Variants in JAZF1 observed in about 807,000 individuals in gnomAD.
JAZF1 encodes the protein juxtaposed with another zinc finger protein 1.
A neutral mutation model predicts 26.4 loss-of-function variants in JAZF1; 8 were observed. That is an observed-to-expected ratio of 0.30 (90% CI 0.18 to 0.55). JAZF1 has a LOEUF of 0.55. Ranked by LOEUF, JAZF1 falls within the 20% of genes least tolerant of loss-of-function variation. JAZF1 has a pLI of 0.94. For missense variants in JAZF1, 199 were observed against 322.0 expected (o/e 0.62, Z 2.92); for synonymous variants, 126 against 122.3 (o/e 1.03, Z -0.20).
At chr7:28,053,147 T>C (rs1436796188) in intron 1 of JAZF1, among the ~76,000 whole-genome samples, 3 of 152,224 alleles carry the variant, frequency 2.0e-5, no homozygotes, top group South Asian at 2.1e-4. Flanking sequence ...TAACATGTGA[T>C]AGGATTTCCT....
intron 2 of JAZF1, among the ~76,000 whole-genome samples, chr7:27,898,304 T>TATATATATATATATATATATATATACAC (rs375859244): frequency 2.2e-4 from 29 of 128,912 alleles, no homozygotes; most frequent in African/African-American, 5.6e-4. Flanking sequence ...TATATATATA[T>TATATATATATATATATATATATATACAC]ACATCGGTTT....
At chr7:28,085,645 T>G (rs561602166) in intron 1 of JAZF1, among the ~76,000 whole-genome samples, 26 of 152,344 alleles carry the variant, frequency 1.7e-4, no homozygotes, top group African/African-American at 6.3e-4. Context: ...TCATGTTAAC[T>G]ATTGCTTTGC....
chr7:28,018,217 TGGA>T (rs1383464596), intron 1 of JAZF1, among the ~76,000 whole-genome samples: 1 of 152,124 alleles, frequency 6.6e-6, no homozygotes, highest in African/African-American at 2.4e-5. Flanking sequence ...AAACAGCTCC[TGGA>T]GGAGGAGTCG....
chr7:28,050,799 T>C (rs1045143586), intron 1 of JAZF1, among the ~76,000 whole-genome samples: 10 of 152,170 alleles, frequency 6.6e-5, no homozygotes, highest in African/African-American at 2.4e-4. Flanking sequence ...ATGCTTTCTT[T>C]TGTTATTGAT....
chr7:28,007,094 C>G (rs1562557028), intron 1 of JAZF1, among the ~76,000 whole-genome samples: 1 of 152,130 alleles, frequency 6.6e-6, no homozygotes, highest in Non-Finnish European at 1.5e-5. Context: ...GTCAACAGCC[C>G]CATAACTTAG....
chr7:28,180,396 C>T (rs1426071435), intron 1 of JAZF1, 67 bp downstream of exon 1: 4 of 1,340,526 alleles, frequency 3.0e-6, no homozygotes, highest in Non-Finnish European at 4.2e-6. Flanking sequence ...CTGGCCATTC[C>T]GGGGCTCCCC....
chr7:28,123,623 C>T (rs1782639805), intron 1 of JAZF1, among the ~76,000 whole-genome samples: 1 of 152,198 alleles, frequency 6.6e-6, no homozygotes, highest in African/African-American at 2.4e-5. Flanking sequence ...CAAAGCCTGG[C>T]CCCTGCCAGC....
intron 1 of JAZF1, among the ~76,000 whole-genome samples, chr7:28,170,945 T>C (rs1010869304): frequency 6.6e-6 from 1 of 152,148 alleles, no homozygotes; most frequent in African/African-American, 2.4e-5. Context: ...TAACACTGCA[T>C]AATGCATATT....
At chr7:27,882,429 A>G (rs2128339747) in intron 3 of JAZF1, among the ~76,000 whole-genome samples, 1 of 152,344 alleles carries the variant, frequency 6.6e-6, no homozygotes, top group East Asian at 1.9e-4. Flanking sequence ...AATTAACACC[A>G]GTCCAATTTT....
Position 27,921,757 on chromosome 7 carries a change from C to A in JAZF1, c.189-26341G>T, listed in dbSNP as rs554387519. Among the ~76,000 whole-genome samples, 26 of 152,230 alleles carry A rather than the reference C, an allele frequency of 1.7e-4. No homozygotes were observed. In the South Asian group the frequency reaches 4.6e-3, roughly 27 times the overall value. ...CTTAAAAATGCAATTTCTGGCCAGG[C>A]ATGGTGGCTCAAGCCTGCAATCCCA... On this transcript the variant is annotated intron_variant, in intron 2 of 4. Transcript: ENST00000283928.
intron 2 of JAZF1, among the ~76,000 whole-genome samples, chr7:27,985,970 A>G (rs1289677104): frequency 6.6e-6 from 1 of 152,190 alleles, no homozygotes. Flanking sequence ...TCTCAAAATA[A>G]TAAGAGCTAT....
chr7:28,093,824 CT>C (rs1784340267), intron 1 of JAZF1, among the ~76,000 whole-genome samples: 1 of 152,198 alleles, frequency 6.6e-6, no homozygotes, highest in Non-Finnish European at 1.5e-5. Flanking sequence ...TAGCGCCCCC[CT>C]GTGGCAATGC....
In JAZF1 at chr7:28,013,460, C is replaced by T. The variant is rs929072432; in HGVS notation, c.116-21479G>A. On this transcript the variant is annotated intron_variant, in intron 1 of 4. Transcript: ENST00000283928. ...GGAGGCCTGTTACAGCTCAGGATAG[C>T]GGGGGTTGGGGGGGTAGGGCAGGCA... Among the ~76,000 whole-genome samples the T allele has an allele frequency of 3.8e-4, 58 of 151,134 alleles. 1 individual carries two copies. Among genetic ancestry groups the T allele is most frequent in the Admixed American group, 3.6e-3 (55 of 15,212 alleles).
At chr7:27,882,307 GTTTT>G (rs75022299) in intron 3 of JAZF1, among the ~76,000 whole-genome samples, 3 of 143,124 alleles carry the variant, frequency 2.1e-5, no homozygotes, top group Non-Finnish European at 4.6e-5. Context: ...TAATTGGCTT[GTTTT>G]TTTTTTTTAA....
chr7:28,077,423 G>A (rs552005855), intron 1 of JAZF1, among the ~76,000 whole-genome samples: 4 of 151,966 alleles, frequency 2.6e-5, no homozygotes, highest in African/African-American at 7.2e-5. Context: ...TATTTTTCAC[G>A]TATTGATTAT....
At chr7:28,074,611 T>G (rs1784024344) in intron 1 of JAZF1, among the ~76,000 whole-genome samples, 1 of 152,166 alleles carries the variant, frequency 6.6e-6, no homozygotes, top group African/African-American at 2.4e-5. Context: ...TTAGAAGAAA[T>G]GAGCTATTTG....
At chr7:27,884,396 G>T (rs2128340052) in intron 3 of JAZF1, among the ~76,000 whole-genome samples, 1 of 152,282 alleles carries the variant, frequency 6.6e-6, no homozygotes, top group East Asian at 1.9e-4. Context: ...TCCCGTGCTG[G>T]GATAACAGGT....
chr7:27,849,746 C>CACAG (rs71555717), intron 3 of JAZF1, among the ~76,000 whole-genome samples: 3 of 135,506 alleles, frequency 2.2e-5, no homozygotes, highest in Non-Finnish European at 4.8e-5. Flanking sequence ...GGAACCCTTA[C>CACAG]ACACAGACAC....
intron 3 of JAZF1, among the ~76,000 whole-genome samples, chr7:27,873,298 C>T (rs1225415637): frequency 6.6e-6 from 1 of 152,204 alleles, no homozygotes; most frequent in Non-Finnish European, 1.5e-5. Flanking sequence ...ATTCAACCTT[C>T]CTCCAAATAG....
Sources: allele counts gnomAD v4.1 joint callset (sites outside exome capture counted in the v4.1 genomes callset), GRCh38; gene constraint gnomAD v4.1.1; transcripts MANE v1.5; gene names NCBI Gene and HGNC (gene_info 2026-07-23, HGNC 2026-07-21).